Variants in OCIAD1 observed in about 807,000 individuals in gnomAD.
OCIAD1 encodes the protein OCIA domain containing 1, also known as OCIA domain-containing protein 1.
Under a neutral mutation model 38.9 loss-of-function variants are expected in OCIAD1, and 29 were observed. That is an observed-to-expected ratio of 0.74 (90% CI 0.55 to 1.02). OCIAD1 has a LOEUF of 1.02. OCIAD1 is among the 50% of genes least tolerant of loss of function. The pLI, the probability that OCIAD1 is intolerant of heterozygous loss-of-function variation, is 0.00. For synonymous variants in OCIAD1, 110 were observed against 92.0 expected (o/e 1.20, Z -1.12); for missense variants, 288 against 289.6 (o/e 0.99, Z 0.04).
chr4:48,812,776 A>G (rs1309693860), intron 1 of OCIAD1, among the ~76,000 whole-genome samples: 17 of 152,224 alleles, frequency 1.1e-4, no homozygotes, highest in Non-Finnish European at 1.5e-5. Flanking sequence ...AAAAGAGCAA[A>G]AAAATGAGAA....
chr4:48,838,810 T>C (rs929582257), intron 3 of OCIAD1, among the ~76,000 whole-genome samples: 1 of 152,226 alleles, frequency 6.6e-6, no homozygotes, highest in Non-Finnish European at 1.5e-5. Context: ...CTTGTTGATC[T>C]AGGGACCATT....
In OCIAD1 at chr4:48,859,186, C is replaced by T. The variant is rs1228652375; in HGVS notation, c.701-1539C>T. ...TTCGTTTGGAGTTCTGTTTTTATAA[C>T]AATGATAGATAATATCTGCATCATA... is the stretch of plus-strand genomic sequence containing the variant. On this transcript the variant is annotated intron_variant, in intron 8 of 8. Transcript: ENST00000264312. Among the ~76,000 whole-genome samples, 6 of 151,624 alleles carry T rather than the reference C, an allele frequency of 4.0e-5. No individual in the cohort carries two copies. The East Asian group carries it at 1.2e-3, about 29-fold the overall frequency.
chr4:48,817,758 T>C (rs2109492535), intron 1 of OCIAD1, among the ~76,000 whole-genome samples: 1 of 152,304 alleles, frequency 6.6e-6, no homozygotes, highest in South Asian at 2.1e-4. Flanking sequence ...GCATCTGCCA[T>C]TACTGACATT....
intron 8 of OCIAD1, 91 bp from the exon 9 acceptor site, chr4:48,860,632 GAA>G: frequency 1.0e-6 from 1 of 966,774 alleles, no homozygotes; most frequent in Non-Finnish European, 1.7e-6. Flanking sequence ...AAATGAGAGA[GAA>G]ACATAACTTT....
chr4:48,836,834 A>G (rs1322366164), intron 3 of OCIAD1, among the ~76,000 whole-genome samples: 1 of 152,248 alleles, frequency 6.6e-6, no homozygotes, highest in Non-Finnish European at 1.5e-5. Flanking sequence ...TAAATTTATG[A>G]TGACTATGCA....
chr4:48,831,462 T>C (rs1777484482), intron 1 of OCIAD1: 1 of 1,286,786 alleles, frequency 7.8e-7, no homozygotes, highest in African/African-American at 1.5e-5. Flanking sequence ...TGGTCACGGA[T>C]GCGTGTGGGG....
chr4:48,849,733 C>A (rs928697956), intron 5 of OCIAD1, among the ~76,000 whole-genome samples: 5 of 151,968 alleles, frequency 3.3e-5, no homozygotes, highest in African/African-American at 1.2e-4. Context: ...TTTTGGCACA[C>A]TTTTTTTGGA....
At chr4:48,851,643 T>C (rs1266620862) in intron 6 of OCIAD1, among the ~76,000 whole-genome samples, 163 bp from the exon 7 acceptor site, 1 of 152,098 alleles carries the variant, frequency 6.6e-6, no homozygotes, top group Non-Finnish European at 1.5e-5. Context: ...GTCACTGCAC[T>C]ATAGCCTGGG....
At chr4:48,812,790 GAGGTCAAGAAA>G (rs1298002155) in intron 1 of OCIAD1, among the ~76,000 whole-genome samples, 1 of 152,184 alleles carries the variant, frequency 6.6e-6, no homozygotes, top group Non-Finnish European at 1.5e-5. Context: ...ATGAGAATGT[GAGGTCAAGAAA>G]AGCTTTGGGA....
At chr4:48,852,882 G>GTTTTTTTTTTTTTTTTTTTTT (rs1439653723) in intron 7 of OCIAD1, among the ~76,000 whole-genome samples, 5 of 126,336 alleles carry the variant, frequency 4.0e-5, no homozygotes, top group African/African-American at 1.3e-4. Flanking sequence ...TTTGTTTTTT[G>GTTTTTTTTTTTTTTTTTTTTT]TTTTTTTTTT....
intron 1 of OCIAD1, chr4:48,831,553 C>T (rs1237115891): frequency 7.7e-6 from 10 of 1,290,654 alleles, no homozygotes; most frequent in African/African-American, 1.5e-5. Flanking sequence ...TTGTAGGCCG[C>T]TTAGGCTTTA....
rs1409121807 is a variant in OCIAD1 at position 48,860,740 on chromosome 4, A to C, written c.716A>C (p.Tyr239Ser). The change falls in exon 9 of 9, where the codon TAT (tyrosine) becomes TCT (serine). Residue 239 changes from tyrosine (Y) to serine (S), a missense_variant. Tyr to Ser is a moderately radical substitution (Grantham distance 144). Coordinates refer to ENST00000264312, the MANE Select transcript of OCIAD1 (RefSeq NM_017830.4). ...TTTTTCCTAGTCAAAGTAAACAAGT[A>C]TGGAGATACTTGGGATGAGTGAAAA... is the stretch of plus-strand genomic sequence containing the variant. ...VPKKEVKVNK[Y>S]GDTWDE The C allele has an allele frequency of 6.2e-7, 1 of 1,604,310 alleles. No homozygotes were observed. Among genetic ancestry groups the C allele is most frequent in the African/African-American group, 1.3e-5 (1 of 74,800 alleles).
intron 6 of OCIAD1, among the ~76,000 whole-genome samples, chr4:48,850,414 T>G (rs1170018368): frequency 6.6e-6 from 1 of 152,106 alleles, no homozygotes; most frequent in Non-Finnish European, 1.5e-5. Context: ...TGTCAGCCAC[T>G]GCACCCAGCT....
At chr4:48,809,648 G>T (rs1777065441) in intron 1 of OCIAD1, among the ~76,000 whole-genome samples, 1 of 151,990 alleles carries the variant, frequency 6.6e-6, no homozygotes, top group Non-Finnish European at 1.5e-5. Flanking sequence ...CCTTCTCTCT[G>T]CCACTTTATT....
At chr4:48,815,482 A>C (rs1446764341) in intron 1 of OCIAD1, among the ~76,000 whole-genome samples, 1 of 152,148 alleles carries the variant, frequency 6.6e-6, no homozygotes, top group Non-Finnish European at 1.5e-5. Flanking sequence ...TGACCTGCAA[A>C]ACCTGCCAGG....
chr4:48,815,278 C>T (rs566006879), intron 1 of OCIAD1, among the ~76,000 whole-genome samples: 1 of 152,180 alleles, frequency 6.6e-6, no homozygotes, highest in East Asian at 1.9e-4. Context: ...GCGCCACACT[C>T]CAGCCCGGGG....
At chr4:48,832,270 A>G (rs537885133) in intron 1 of OCIAD1, among the ~76,000 whole-genome samples, 32 of 152,360 alleles carry the variant, frequency 2.1e-4, no homozygotes, top group African/African-American at 7.5e-4. Flanking sequence ...CATAGATTCG[A>G]GAAACGACCA....
chr4:48,860,879 C>T lies in OCIAD1; in HGVS notation c.*117C>T. 3.9e-6 allele frequency: 3 copies of T among 777,450 alleles called. No homozygotes were observed. The highest frequency in any genetic ancestry group is 2.4e-5 in the Admixed American group (1 of 41,574). The allele number at this position is 777,450 out of a possible 1,614,324, so 48.2% of individuals were successfully genotyped here. A position where few individuals can be genotyped will look rare whatever the true frequency, so the allele number is the denominator to read the frequency against. On this transcript the variant is annotated 3_prime_UTR_variant, in exon 9 of 9. Coordinates refer to ENST00000264312, the MANE Select transcript of OCIAD1 (RefSeq NM_017830.4). ...TTCATAAACACATTTAAAACAAGAT[C>T]CTGGGTTTTTGTGGTTTGACTTCTA... is the stretch of plus-strand genomic sequence containing the variant.
At chr4:48,850,255 T>A (rs1779316667) in intron 6 of OCIAD1, among the ~76,000 whole-genome samples, 173 bp downstream of exon 6, 2 of 152,190 alleles carry the variant, frequency 1.3e-5, no homozygotes, top group South Asian at 4.1e-4. Context: ...CACCATTTAT[T>A]TATTTATGAA....
Sources: allele counts gnomAD v4.1 joint callset (sites outside exome capture counted in the v4.1 genomes callset), GRCh38; gene constraint gnomAD v4.1.1; transcripts MANE v1.5; gene names NCBI Gene and HGNC (gene_info 2026-07-23, HGNC 2026-07-21).